The following FRMPD1 variants were observed in gnomAD, a reference collection of about 807,000 sequenced individuals.
The protein encoded by FRMPD1 is FERM and PDZ domain-containing protein 1.
FRMPD1 carries 76 observed loss-of-function variants against 117.8 expected under a neutral mutation model. That is an observed-to-expected ratio of 0.65 (90% CI 0.54 to 0.78). The LOEUF (loss-of-function observed/expected upper bound fraction) is 0.78. FRMPD1 is among the 30% of genes least tolerant of loss of function. FRMPD1 has a pLI of 0.00. For synonymous variants in FRMPD1, 783 were observed against 770.4 expected (o/e 1.02, Z -0.27); for missense variants, 1,786 against 1,964.5 (o/e 0.91, Z 1.72).
chr9:37,682,196 A>G (rs2117936368), intron 1 of FRMPD1, among the ~76,000 whole-genome samples: 1 of 152,356 alleles, frequency 6.6e-6, no homozygotes, highest in South Asian at 2.1e-4. Context: ...CCCCTTGGCC[A>G]GTTTGAGGAA....
chr9:37,673,084 C>G (rs1821409980), intron 1 of FRMPD1, among the ~76,000 whole-genome samples: 1 of 152,162 alleles, frequency 6.6e-6, no homozygotes, highest in Non-Finnish European at 1.5e-5. Context: ...AACATTAACC[C>G]AGAAGTCCAC....
chr9:37,615,463 A>T, the FRMPD1 span, among the ~76,000 whole-genome samples: 1 of 151,734 alleles, frequency 6.6e-6, no homozygotes, highest in South Asian at 2.1e-4. Flanking sequence ...TTTCTTCTTT[A>T]CCTGTATTAA....
chr9:37,729,629 C>T lies in FRMPD1; in HGVS notation c.613-99C>T, dbSNP rs1387268578. 7.0e-6 allele frequency: 9 copies of T among 1,285,852 alleles called. No individual in the cohort carries two copies. In the South Asian group the frequency reaches 1.1e-4, roughly 15 times the overall value. The allele number at this position is 1,285,852 out of a possible 1,614,324, so 79.7% of individuals were successfully genotyped here. On this transcript the variant is annotated intron_variant, in intron 7 of 15. Transcript: ENST00000377765. ...TAAGTCAGCAGTGGGCATGTCAGTG[C>T]AGGCTTTTCTCTCCCTAGCTGCACT... is the stretch of plus-strand genomic sequence containing the variant.
At position 37,745,560 on chromosome 9, in the gene FRMPD1, T is replaced by A; in HGVS notation, c.3528T>A (p.His1176Gln). Residue 1176 changes from histidine (H) to glutamine (Q), a missense_variant, in exon 16 of 16, where the codon CAT (histidine) becomes CAA (glutamine). By Grantham distance (24) the His-to-Gln change is conservative (BLOSUM62 0). Coordinates refer to ENST00000377765, the MANE Select transcript of FRMPD1 (RefSeq NM_014907.3). Reference protein sequence around the residue: ...PVTGTEQIPPHPPRDPQGQSR... With the variant: ...PVTGTEQIPPQPPRDPQGQSR... ...CAGGGACCGAGCAGATCCCACCACA[T>A]CCCCCTAGAGACCCTCAAGGACAGA... is the stretch of plus-strand genomic sequence containing the variant. The A allele has an allele frequency of 6.2e-7, 1 of 1,613,450 alleles. No homozygotes were observed. The highest frequency in any genetic ancestry group is 8.5e-7 in the Non-Finnish European group (1 of 1,179,682).
intron 1 of FRMPD1, among the ~76,000 whole-genome samples, chr9:37,672,108 G>A (rs893969337): frequency 5.3e-5 from 8 of 152,204 alleles, no homozygotes; most frequent in Admixed American, 3.9e-4. Context: ...TGATGAAAAT[G>A]CTTCAAAATG....
the FRMPD1 span, among the ~76,000 whole-genome samples, chr9:37,642,236 T>C: frequency 6.6e-6 from 1 of 152,172 alleles, no homozygotes; most frequent in Non-Finnish European, 1.5e-5. Context: ...TAGAGTCTCT[T>C]TGTCTGCAAA....
In FRMPD1 at chr9:37,698,256, A is replaced by C. The variant is rs553722384; in HGVS notation, c.101+5514A>C. Among the ~76,000 whole-genome samples the C allele has an allele frequency of 2.0e-5, 3 of 152,364 alleles. No individual in the cohort carries two copies. The East Asian group carries it at 5.8e-4, about 29-fold the overall frequency. ...TAATAGCTTAAAATGTTTATATTTA[A>C]TTCTTTAAGTTGGAGTTTATTTTAG... On this transcript the variant is annotated intron_variant, in intron 2 of 15. Transcript: ENST00000377765.
chr9:37,740,472 C>T lies in FRMPD1; in HGVS notation c.1944C>T (p.Ser648=), dbSNP rs760491862. ...SIDSDSQEER[S]GIETSGFLCL... is the part of the protein sequence containing the mutation. ...ACTCTGACAGCCAGGAGGAGAGAAG[C>T]GGGATTGAAACCAGTGGCTTCCTCT... Residue 648 remains serine, a synonymous_variant, in exon 15 of 16, where the codon AGC becomes AGT. Transcript: ENST00000377765. The surrounding 1 kb of genome is among the most constrained non-coding windows in gnomAD (Gnocchi z 4.2). 7.4e-6 allele frequency: 12 copies of T among 1,614,062 alleles called. No individual in the cohort carries two copies. In the Middle Eastern group the frequency reaches 4.9e-4, roughly 66 times the overall value.
At chr9:37,626,155 C>A in the FRMPD1 span, among the ~76,000 whole-genome samples, 3 of 152,060 alleles carry the variant, frequency 2.0e-5, no homozygotes, top group African/African-American at 4.8e-5. Context: ...GGTGAAACCC[C>A]GTCTCTACTA....
the FRMPD1 span, among the ~76,000 whole-genome samples, chr9:37,644,741 C>A: frequency 1.5e-3 from 235 of 152,250 alleles, 1 homozygote; most frequent in Non-Finnish European, 2.5e-3. Context: ...TCTGAGCTTG[C>A]CTCAGTTTCA....
chr9:37,745,336 G>A lies in FRMPD1; in HGVS notation c.3304G>A (p.Glu1102Lys). The change falls in exon 16 of 16, where the codon GAA (glutamate) becomes AAA (lysine). Residue 1102 changes from glutamate to lysine, a missense_variant. Coordinates refer to ENST00000377765, the MANE Select transcript of FRMPD1 (RefSeq NM_014907.3). ...GAAGATAGCTTCTATCCCTACAAAG[G>A]AAGAGCCACAAGGACAACTATCTCT... Reference protein sequence around the residue: ...GEKIASIPTKEEPQGQLSLER... With the variant: ...GEKIASIPTKKEPQGQLSLER... The A allele has an allele frequency of 6.2e-7, 1 of 1,613,012 alleles. No individual in the cohort carries two copies. The highest frequency in any genetic ancestry group is 8.5e-7 in the Non-Finnish European group (1 of 1,178,994).
At chr9:37,654,859 A>C (rs1820792687) in intron 1 of FRMPD1, among the ~76,000 whole-genome samples, 1 of 152,238 alleles carries the variant, frequency 6.6e-6, no homozygotes, top group Non-Finnish European at 1.5e-5. Context: ...AGAAATGACC[A>C]CCCACAGCAC....
intron 1 of FRMPD1, among the ~76,000 whole-genome samples, chr9:37,655,496 CTTTTT>C (rs10615941): frequency 0.094 from 8,255 of 88,012 alleles, 300 homozygotes; most frequent in East Asian, 0.22. Context: ...TGTCCCCACT[CTTTTT>C]TTTTTTTTTT....
At chr9:37,700,980 T>G (rs1340194567) in intron 2 of FRMPD1, among the ~76,000 whole-genome samples, 2 of 152,228 alleles carry the variant, frequency 1.3e-5, no homozygotes, top group Non-Finnish European at 2.9e-5. Context: ...ATATTAAATG[T>G]TCTCTATGAG....
chr9:37,740,751 C>T lies in FRMPD1; in HGVS notation c.2223C>T (p.Gly741=). The T allele has an allele frequency of 6.2e-7, 1 of 1,614,188 alleles. No individual in the cohort carries two copies. ...CCCCGCCAGCCTGGGGTCAGCAGGG[C>T]TGGACTGAGGCCCAGCCCAGTTCCA... ...GGAPPAWGQQ[G]WTEAQPSSML... Residue 741 remains glycine (G), a synonymous_variant, in exon 15 of 16, where the codon GGC becomes GGT. Coordinates refer to ENST00000377765, the MANE Select transcript of FRMPD1 (RefSeq NM_014907.3). The surrounding 1 kb of genome is among the most constrained non-coding windows in gnomAD (Gnocchi z 4.2).
At chr9:37,711,281 G>A in intron 4 of FRMPD1, 69 bp from the exon 5 acceptor site, 1 of 953,154 alleles carries the variant, frequency 1.0e-6, no homozygotes, top group Non-Finnish European at 1.7e-6. Context: ...GCTCACACAT[G>A]TATGCATGCA....
At chr9:37,686,800 T>G (rs957024292) in intron 1 of FRMPD1, among the ~76,000 whole-genome samples, 12 of 152,250 alleles carry the variant, frequency 7.9e-5, no homozygotes, top group African/African-American at 2.9e-4. Flanking sequence ...CCTTCAGTCC[T>G]ATGGATATGT....
In FRMPD1 at chr9:37,745,219, C is replaced by G; in HGVS notation, c.3187C>G (p.His1063Asp). The change falls in exon 16 of 16, where the codon CAT becomes GAT. Residue 1063 changes from histidine to aspartate, a missense_variant. By Grantham distance (81) the His-to-Asp change is moderately conservative (BLOSUM62 -1). Coordinates refer to ENST00000377765, the MANE Select transcript of FRMPD1 (RefSeq NM_014907.3). Reference sequence around the variant, plus strand: ...GGGATTGGAATCTTTTTGTACAAATCATATACAAGAAACTGCCCCCAAATA... The same window carrying G: ...GGGATTGGAATCTTTTTGTACAAATGATATACAAGAAACTGCCCCCAAATA... ...EMGLESFCTNHIQETAPKYTE... is the reference protein window; with the variant it reads ...EMGLESFCTNDIQETAPKYTE... The G allele has an allele frequency of 1.2e-6, 2 of 1,612,850 alleles. No homozygotes were observed. Among genetic ancestry groups the G allele is most frequent in the Non-Finnish European group, 1.7e-6 (2 of 1,178,926 alleles).
chr9:37,633,543 G>T, the FRMPD1 span, among the ~76,000 whole-genome samples: 2 of 152,286 alleles, frequency 1.3e-5, no homozygotes, highest in East Asian at 3.9e-4. Flanking sequence ...CCAGTGGTGT[G>T]CTGTAAACTA....
Sources: allele counts gnomAD v4.1 joint callset (sites outside exome capture counted in the v4.1 genomes callset), GRCh38; gene constraint gnomAD v4.1.1; non-coding constraint Gnocchi (gnomAD v3.1); transcripts MANE v1.5; gene names NCBI Gene and HGNC (gene_info 2026-07-23, HGNC 2026-07-21).